The following ATP13A3 variants were observed in gnomAD, a reference collection of about 807,000 sequenced individuals.
The protein encoded by ATP13A3 is ATPase 13A3.
In ATP13A3, 59 loss-of-function variants were observed where a neutral mutation model predicts 158.1. That is an observed-to-expected ratio of 0.37 (90% CI 0.30 to 0.46). The LOEUF (loss-of-function observed/expected upper bound fraction) is 0.46, where lower values mean the gene tolerates loss of function less well. ATP13A3 is among the 20% of genes least tolerant of loss of function. The pLI is 1.00. For missense variants in ATP13A3, 1,166 were observed against 1,525.2 expected (o/e 0.76, Z 3.92); for synonymous variants, 491 against 504.3 (o/e 0.97, Z 0.35).
rs1368200462 is a variant in ATP13A3 at position 194,450,301 on chromosome 3, A to T, written c.839-25T>A. On this transcript the variant is annotated intron_variant, in intron 10 of 33. Transcript: ENST00000645319. The stretch of plus-strand genomic sequence containing the variant: ...TCTGAAATTAAAGAAAGAAAGAAAA[A>T]TCTGAAAAAGATATTCTTTACCTTG... 3.8e-6 allele frequency: 6 copies of T among 1,595,704 alleles called. No homozygotes were observed. In the South Asian group the frequency reaches 6.7e-5, roughly 18 times the overall value.
intron 2 of ATP13A3, among the ~76,000 whole-genome samples, chr3:194,484,721 G>A (rs1720897668): frequency 2.0e-5 from 3 of 152,116 alleles, no homozygotes; most frequent in Admixed American, 6.5e-5. Context: ...TATCCAAAGC[G>A]GATTCTGTGT....
At chr3:194,459,634 T>C (rs1271416226) in intron 5 of ATP13A3, 93 bp from the exon 6 acceptor site, 13 of 1,105,766 alleles carry the variant, frequency 1.2e-5, no homozygotes, top group South Asian at 1.6e-5. Context: ...TATAGGATTA[T>C]ATATAGCATT....
intron 24 of ATP13A3, 141 bp from the exon 25 acceptor site, chr3:194,430,456 TA>T (rs1717136513): frequency 1.1e-6 from 1 of 949,178 alleles, no homozygotes; most frequent in Non-Finnish European, 1.6e-6. Context: ...CTTTTCACTA[TA>T]ATGAACACAG....
At chr3:194,445,475 C>T (rs911960543) in intron 14 of ATP13A3, among the ~76,000 whole-genome samples, 6 of 152,168 alleles carry the variant, frequency 3.9e-5, no homozygotes, top group African/African-American at 1.4e-4. Context: ...ATGTCTGATG[C>T]TGTCCCCTTC....
chr3:194,424,777 A>C (rs965606724), intron 30 of ATP13A3, among the ~76,000 whole-genome samples: 1 of 152,234 alleles, frequency 6.6e-6, no homozygotes, highest in Non-Finnish European at 1.5e-5. Flanking sequence ...ACAAGGGCAC[A>C]GGCCTCCATT....
intron 33 of ATP13A3, among the ~76,000 whole-genome samples, chr3:194,406,459 A>G (rs1474485032): frequency 6.6e-6 from 1 of 152,088 alleles, no homozygotes; most frequent in Non-Finnish European, 1.5e-5. Context: ...TCTTTAGATT[A>G]TATTTTTTTT....
intron 33 of ATP13A3, among the ~76,000 whole-genome samples, chr3:194,409,970 A>C (rs987083932): frequency 1.3e-5 from 2 of 151,900 alleles, no homozygotes; most frequent in Admixed American, 1.3e-4. Context: ...TCCTTCCTAA[A>C]GCCAGTAAGT....
intron 24 of ATP13A3, 134 bp from the exon 25 acceptor site, chr3:194,430,449 T>C: frequency 3.0e-6 from 3 of 1,000,442 alleles, no homozygotes; most frequent in Non-Finnish European, 4.5e-6. Flanking sequence ...TATGAATCTT[T>C]TCACTATAAT....
Position 194,474,403 on chromosome 3 carries a change from C to T in ATP13A3, c.-47+11391G>A, listed in dbSNP as rs548859705. On this transcript the variant is annotated intron_variant, in intron 2 of 33. Transcript: ENST00000645319. ...ACCTGGGCTCAAGGGATCCTCCCAC[C>T]TTGGCCTTCCAAGCAGCTGGAAATA... Among the ~76,000 whole-genome samples, 8 of 152,244 alleles carry T rather than the reference C, an allele frequency of 5.3e-5. No homozygotes were observed. In the South Asian group the frequency reaches 1.7e-3, roughly 32 times the overall value.
Position 194,416,261 on chromosome 3 carries a change from C to A in ATP13A3, c.3403-2422G>T, listed in dbSNP as rs577088971. On this transcript the variant is annotated intron_variant, in intron 31 of 33. Transcript: ENST00000645319. Reference sequence around the variant, plus strand: ...GATCGTGAGGTCAGGAGTTCGATACCAGTCTGGCCAGATGGTGAAATCCCA... The same window carrying A: ...GATCGTGAGGTCAGGAGTTCGATACAAGTCTGGCCAGATGGTGAAATCCCA... 2.4e-4 allele frequency among the ~76,000 whole-genome samples: 36 copies of A among 152,238 alleles called. No individual in the cohort carries two copies. In the Middle Eastern group the frequency reaches 0.01, roughly 43 times the overall value.
At chr3:194,431,643 C>A in intron 22 of ATP13A3, 74 bp downstream of exon 22, 3 of 1,371,338 alleles carry the variant, frequency 2.2e-6, no homozygotes, top group Non-Finnish European at 2.9e-6. Context: ...TGTTTTAATG[C>A]ACCACTTTTT....
chr3:194,457,194 T>G lies in ATP13A3; in HGVS notation c.480-20A>C. On this transcript the variant is annotated intron_variant, in intron 6 of 33. Transcript: ENST00000645319. ...AGTCCCCTAAATAAATCCAAAGTTTTTACTTTAAACAAAGTTTAAAATATC... is the reference window on the plus strand; with the variant it reads ...AGTCCCCTAAATAAATCCAAAGTTTGTACTTTAAACAAAGTTTAAAATATC... 3.1e-6 allele frequency: 5 copies of G among 1,587,902 alleles called. No homozygotes were observed. Among genetic ancestry groups the G allele is most frequent in the Non-Finnish European group, 4.3e-6 (5 of 1,162,186 alleles).
intron 11 of ATP13A3, among the ~76,000 whole-genome samples, chr3:194,449,868 G>C (rs1718684240): frequency 6.6e-6 from 1 of 151,904 alleles, no homozygotes; most frequent in Non-Finnish European, 1.5e-5. Context: ...GTGGGAAAAG[G>C]CCGCCTTTCC....
At chr3:194,436,598 G>C (rs1717652420) in intron 20 of ATP13A3, among the ~76,000 whole-genome samples, 1 of 152,232 alleles carries the variant, frequency 6.6e-6, no homozygotes, top group South Asian at 2.1e-4. Flanking sequence ...AATAACATAA[G>C]GAAACATAGG....
intron 31 of ATP13A3, among the ~76,000 whole-genome samples, chr3:194,415,925 G>C (rs73209053): frequency 6.6e-6 from 1 of 152,116 alleles, no homozygotes; most frequent in Non-Finnish European, 1.5e-5. Flanking sequence ...ATAACTTTAA[G>C]ATCAAACCTG....
rs546931528 is a variant in ATP13A3, at chr3:194,448,662, A to G, written c.971-26T>C. 5 of 1,590,048 alleles carry G rather than the reference A, an allele frequency of 3.1e-6. No homozygotes were observed. The South Asian group carries it at 5.7e-5, about 18-fold the overall frequency. On this transcript the variant is annotated intron_variant, in intron 11 of 33. Coordinates refer to ENST00000645319, the MANE Select transcript of ATP13A3 (RefSeq NM_001367549.1). The surrounding 1 kb of genome is among the most constrained non-coding windows in gnomAD (Gnocchi z 4.0). Reference sequence around the variant, plus strand: ...CTTTAAAAAACAACAACAACAACAAAAACAGTTTACAAATTATTAAACGAA... The same window carrying G: ...CTTTAAAAAACAACAACAACAACAAGAACAGTTTACAAATTATTAAACGAA...
At chr3:194,411,642 G>C (rs930838483) in intron 33 of ATP13A3, among the ~76,000 whole-genome samples, 3 of 151,698 alleles carry the variant, frequency 2.0e-5, no homozygotes, top group East Asian at 2.0e-4. Flanking sequence ...ACCACGGTTT[G>C]TATGAAAAAA....
chr3:194,427,574 G>A (rs1716878318), intron 28 of ATP13A3, among the ~76,000 whole-genome samples: 1 of 151,514 alleles, frequency 6.6e-6, no homozygotes, highest in Non-Finnish European at 1.5e-5. Context: ...CACAGTGGGA[G>A]AATCACTTGA....
rs370130512 is a variant in ATP13A3, at chr3:194,431,204, T to C, written c.2444A>G (p.His815Arg). The C allele has an allele frequency of 6.9e-5, 111 of 1,613,442 alleles. No individual in the cohort carries two copies. Among genetic ancestry groups the C allele is most frequent in the Non-Finnish European group, 7.2e-5 (85 of 1,179,518 alleles). ...CATTTGAAGATCCTCTAAGCTATCA[T>C]GGACCAATTTAACCGGAATAGCCTG... ...DPEAIPVKLV[H>R]DSLEDLQMTR... The change falls in exon 23 of 34, where the codon CAT (histidine) becomes CGT (arginine). Residue 815 changes from histidine to arginine, a missense_variant. Physicochemically the swap from His to Arg is conservative, Grantham distance 29 (BLOSUM62 0). This residue lies in a region of ATP13A3 where 997 missense variants were observed against 1,341.2 expected (regional missense o/e 0.74). Transcript: ENST00000645319.
Sources: gnomAD v4.1 joint callset for allele counts (sites outside exome capture counted in the v4.1 genomes callset) on GRCh38, gnomAD v4.1.1 for gene constraint, gnomAD v4.1.1 regional missense constraint, Gnocchi (gnomAD v3.1) non-coding constraint, MANE v1.5 for transcripts, NCBI Gene and HGNC (gene_info 2026-07-23, HGNC 2026-07-21) for gene names.